The following HDLBP variants were observed in gnomAD, a reference collection of about 807,000 sequenced individuals.
HDLBP encodes high density lipoprotein binding protein.
A neutral mutation model predicts 137.3 loss-of-function variants in HDLBP; 30 were observed. The ratio of observed to expected loss-of-function variants is 0.22; its 90% confidence interval spans 0.16 to 0.30. The LOEUF is 0.30. Ranked by LOEUF, HDLBP falls within the 10% of genes least tolerant of loss-of-function variation. HDLBP has a pLI of 1.00. For synonymous variants in HDLBP, 606 were observed against 596.0 expected, an observed-to-expected ratio of 1.02 and a Z score of -0.24; for missense variants, 1,119 against 1,667.3, an observed-to-expected ratio of 0.67 and a Z score of 5.73.
chr2:241,298,762 T>C (rs1444853704), intron 1 of HDLBP, among the ~76,000 whole-genome samples: 2 of 152,206 alleles, frequency 1.3e-5, no homozygotes, highest in African/African-American at 4.8e-5. Flanking sequence ...AGCCTCCTCC[T>C]TGTACTGTTC....
At chr2:241,280,960 TACAGAA>T (rs1575014151) in intron 1 of HDLBP, among the ~76,000 whole-genome samples, 1 of 152,234 alleles carries the variant, frequency 6.6e-6, no homozygotes, top group East Asian at 1.9e-4. Flanking sequence ...ATTTTACAAA[TACAGAA>T]ACAATCAGCA....
At chr2:241,263,956 C>T (rs921938780) in intron 4 of HDLBP, among the ~76,000 whole-genome samples, 6 of 152,104 alleles carry the variant, frequency 3.9e-5, no homozygotes, top group Non-Finnish European at 7.4e-5. Context: ...AAATTGAAGG[C>T]CTTCTCCCTT....
At chr2:241,265,009 C>A (rs1409777789) in intron 3 of HDLBP, among the ~76,000 whole-genome samples, 1 of 152,228 alleles carries the variant, frequency 6.6e-6, no homozygotes, top group Admixed American at 6.5e-5. Context: ...TATGGCAATG[C>A]CAGGCACAGA....
chr2:241,267,637 T>C (rs1404393365), intron 2 of HDLBP: 1 of 1,535,754 alleles, frequency 6.5e-7, no homozygotes, highest in Non-Finnish European at 8.7e-7. Context: ...GGTCTCTCTC[T>C]GCAAGGTGCA....
intron 1 of HDLBP, among the ~76,000 whole-genome samples, chr2:241,284,265 C>T (rs927876059): frequency 6.6e-6 from 1 of 152,210 alleles, no homozygotes; most frequent in Non-Finnish European, 1.5e-5. Context: ...TGGGCAAAGT[C>T]CATTGAAAAC....
intron 5 of HDLBP, among the ~76,000 whole-genome samples, chr2:241,261,212 A>AAAAG (rs1553645513): frequency 6.1e-5 from 9 of 148,560 alleles, no homozygotes; most frequent in Admixed American, 1.3e-4. Flanking sequence ...AAAAAAAAAA[A>AAAAG]GGGGGTAGGA....
rs1201909990 is a variant in HDLBP, at chr2:241,277,527, A to C, written c.-102-8986T>G. Among the ~76,000 whole-genome samples the C allele has an allele frequency of 2.0e-5, 3 of 152,250 alleles. No homozygotes were observed. In the East Asian group the frequency reaches 5.8e-4, roughly 29 times the overall value. On this transcript the variant is annotated intron_variant, in intron 1 of 27. Coordinates refer to ENST00000310931, the MANE Select transcript of HDLBP (RefSeq NM_005336.6). The stretch of plus-strand genomic sequence containing the variant: ...AATGGAGACTTTGAAAAATCATGTA[A>C]GAATTCTATTGAGAAGAGTAGTGTC...
intron 16 of HDLBP, among the ~76,000 whole-genome samples, chr2:241,244,575 A>C (rs2071520409): frequency 6.6e-6 from 1 of 152,248 alleles, no homozygotes; most frequent in Admixed American, 6.5e-5. Context: ...AGAAACCTTT[A>C]TGCAGCAGAA....
chr2:241,232,737 C>A (rs894051592), intron 24 of HDLBP, among the ~76,000 whole-genome samples: 1 of 152,056 alleles, frequency 6.6e-6, no homozygotes, highest in Non-Finnish European at 1.5e-5. Flanking sequence ...TCACTTCAAC[C>A]CGGGAGGCAG....
At position 241,277,477 on chromosome 2, in the gene HDLBP, A is replaced by C. The variant is rs184985703; in HGVS notation, c.-102-8936T>G. 1.5e-3 allele frequency among the ~76,000 whole-genome samples: 230 copies of C among 152,358 alleles called. No homozygotes were observed. In the South Asian group the frequency reaches 0.02, roughly 13 times the overall value. Reference sequence around the variant, plus strand: ...TATAAGTAGGCAATATTAAGAATTAAAAGGGGGTCAAAAACTACAGCTAAA... The same window carrying C: ...TATAAGTAGGCAATATTAAGAATTACAAGGGGGTCAAAAACTACAGCTAAA... On this transcript the variant is annotated intron_variant, in intron 1 of 27. Transcript: ENST00000310931.
chr2:241,312,204 T>C (rs2149729476), intron 1 of HDLBP, among the ~76,000 whole-genome samples: 1 of 152,366 alleles, frequency 6.6e-6, no homozygotes, highest in South Asian at 2.1e-4. Flanking sequence ...ATGTAGTCAA[T>C]GTATTCTTAC....
intron 9 of HDLBP, among the ~76,000 whole-genome samples, chr2:241,253,995 G>C (rs2072411407): frequency 6.6e-6 from 1 of 152,140 alleles, no homozygotes; most frequent in African/African-American, 2.4e-5. Context: ...GCTATACAAA[G>C]TAAAAGGGGC....
chr2:241,274,562 C>A (rs2074322443), intron 1 of HDLBP, among the ~76,000 whole-genome samples: 1 of 152,174 alleles, frequency 6.6e-6, no homozygotes, highest in Admixed American at 6.5e-5. Context: ...ATTCGGTCCG[C>A]TGTCAAGGAA....
chr2:241,284,027 GA>G (rs57210051), intron 1 of HDLBP, among the ~76,000 whole-genome samples: 15 of 148,122 alleles, frequency 1.0e-4, no homozygotes, highest in Middle Eastern at 3.6e-3. Flanking sequence ...CTACTGCCCA[GA>G]AAAAAAAAAA....
intron 15 of HDLBP, 60 bp downstream of exon 15, chr2:241,246,996 T>C: frequency 6.4e-7 from 1 of 1,564,058 alleles, no homozygotes; most frequent in Non-Finnish European, 8.8e-7. Context: ...AAAACCAAAA[T>C]GGTGCAGGGC....
At chr2:241,277,056 A>G (rs2074415476) in intron 1 of HDLBP, among the ~76,000 whole-genome samples, 1 of 152,082 alleles carries the variant, frequency 6.6e-6, no homozygotes, top group Non-Finnish European at 1.5e-5. Flanking sequence ...CCACCACTCA[A>G]TTAGAACTCA....
At chr2:241,300,060 TAA>T (rs1447572932) in intron 1 of HDLBP, among the ~76,000 whole-genome samples, 5 of 151,056 alleles carry the variant, frequency 3.3e-5, no homozygotes, top group Admixed American at 1.4e-4. Context: ...TCAAACTTCA[TAA>T]AAGATTTTTT....
Position 241,235,186 on chromosome 2 carries a change from A to C in HDLBP, c.3079T>G (p.Leu1027Val). Residue 1027 changes from leucine (L) to valine (V), a missense_variant, in exon 23 of 28, where the codon TTG (leucine) becomes GTG (valine). Coordinates refer to ENST00000310931, the MANE Select transcript of HDLBP (RefSeq NM_005336.6). ...IIAITGLAAN[L>V]DRAKAGLLER... ...AGCAGTCCAGCCTTGGCCCGGTCCAAATTTGCAGCGAGGCCCGTGATGGCG... is the reference window on the plus strand; with the variant it reads ...AGCAGTCCAGCCTTGGCCCGGTCCACATTTGCAGCGAGGCCCGTGATGGCG... 6.2e-7 allele frequency: 1 copy of C among 1,614,136 alleles called. No individual in the cohort carries two copies. Among genetic ancestry groups the C allele is most frequent in the Middle Eastern group, 1.7e-4 (1 of 6,060 alleles).
chr2:241,249,341 G>T (rs373726156), intron 12 of HDLBP: 2 of 471,314 alleles, frequency 4.2e-6, no homozygotes, highest in Non-Finnish European at 8.8e-6. Flanking sequence ...ACTTTCAAGT[G>T]TGGGTATCTG....
Sources: gnomAD v4.1 joint callset for allele counts (sites outside exome capture counted in the v4.1 genomes callset) on GRCh38, gnomAD v4.1.1 for gene constraint, MANE v1.5 for transcripts, NCBI Gene and HGNC (gene_info 2026-07-23, HGNC 2026-07-21) for gene names.